The following SDF4 variants were observed in gnomAD, a reference collection of about 807,000 sequenced individuals.
The protein encoded by SDF4 is 45 kDa calcium-binding protein.
SDF4 carries 22 observed loss-of-function variants against 34.2 expected under a neutral mutation model. The ratio of observed to expected loss-of-function variants is 0.64; its 90% CI spans 0.46 to 0.92. SDF4 has a LOEUF of 0.92. Ranked by LOEUF, SDF4 falls within the 40% of genes least tolerant of loss-of-function variation. SDF4 has a pLI of 0.00. For missense variants in SDF4, 447 were observed against 499.9 expected (o/e 0.89, Z 1.01); for synonymous variants, 236 against 203.1 (o/e 1.16, Z -1.38).
rs141069078 is a variant in SDF4 at position 1,222,521 on chromosome 1, C to T, written c.556+723G>A. ...TGACCGCTCTCTGGTGACCACCTGA[C>T]GGCCACACAGATGTCTCCAGCAGAC... On this transcript the variant is annotated intron_variant, in intron 4 of 6. Transcript: ENST00000360001. Among the ~76,000 whole-genome samples, 233 of 152,366 alleles carry T rather than the reference C, an allele frequency of 1.5e-3. 1 individual carries two copies. Among genetic ancestry groups the T allele is most frequent in the African/African-American group, 5.5e-3 (228 of 41,590 alleles).
At chr1:1,226,305 C>T (rs1005826400) in intron 2 of SDF4, among the ~76,000 whole-genome samples, 6 of 152,082 alleles carry the variant, frequency 3.9e-5, no homozygotes, top group Admixed American at 1.3e-4. Flanking sequence ...GGGCACCTCC[C>T]CTCTGGATGC....
At chr1:1,227,612 G>C (rs1376251491) in intron 2 of SDF4, among the ~76,000 whole-genome samples, 1 of 152,204 alleles carries the variant, frequency 6.6e-6, no homozygotes, top group Non-Finnish European at 1.5e-5. Flanking sequence ...GGGACTCACG[G>C]GCACGCCCTG....
chr1:1,225,515 T>C (rs979680169), intron 2 of SDF4, among the ~76,000 whole-genome samples: 2 of 151,962 alleles, frequency 1.3e-5, no homozygotes, highest in African/African-American at 4.8e-5. Flanking sequence ...CGCCCCTCCC[T>C]CAGCAGCCGC....
At chr1:1,224,517 T>C (rs1638235049) in intron 2 of SDF4, among the ~76,000 whole-genome samples, 2 of 152,196 alleles carry the variant, frequency 1.3e-5, no homozygotes, top group Non-Finnish European at 2.9e-5. Flanking sequence ...TGACCTCAAA[T>C]GATCCACCCA....
chr1:1,225,960 G>T, intron 2 of SDF4, among the ~76,000 whole-genome samples: 1 of 152,200 alleles, frequency 6.6e-6, no homozygotes, highest in East Asian at 1.9e-4. Flanking sequence ...ACGCACACAC[G>T]CAAGTGCACA....
At chr1:1,223,788 C>A in intron 3 of SDF4, 44 bp downstream of exon 3, 1 of 582,998 alleles carries the variant, frequency 1.7e-6, no homozygotes. Context: ...ATGGCCCTGC[C>A]CGCCCCGCCC....
intron 4 of SDF4, among the ~76,000 whole-genome samples, chr1:1,222,666 T>C (rs977778041): frequency 4.6e-5 from 7 of 152,260 alleles, no homozygotes; most frequent in Non-Finnish European, 8.8e-5. Flanking sequence ...TCAGATTCTC[T>C]GCAGGACCTA....
At position 1,228,827 on chromosome 1, in the gene SDF4, GAGGGGC is replaced by G. The variant is rs756980498; in HGVS notation, c.-61_-56del. 6.5e-5 allele frequency: 98 copies of G among 1,505,116 alleles called. No homozygotes were observed. The highest frequency in any genetic ancestry group is 8.2e-5 in the Non-Finnish European group (92 of 1,115,364). The allele number at this position is 1,505,116 out of a possible 1,614,324, so 93.2% of individuals were successfully genotyped here. On this transcript the variant is annotated 5_prime_UTR_variant, in exon 2 of 7. Coordinates refer to ENST00000360001, the MANE Select transcript of SDF4 (RefSeq NM_016176.6). ...CTGCAGGGTGTGGGCCAGGTGCTGG[GAGGGGC>G]AGGGGCAGGGGCAGAGGAGGAAGTG...
intron 1 of SDF4, among the ~76,000 whole-genome samples, chr1:1,230,724 G>T (rs951495795): frequency 6.6e-6 from 1 of 152,244 alleles, no homozygotes; most frequent in Non-Finnish European, 1.5e-5. Flanking sequence ...CTCCCAAAGT[G>T]CTGGGACTAT....
chr1:1,218,506 C>T lies in SDF4; in HGVS notation c.843G>A (p.Glu281=). 1 of 1,613,844 alleles carries T rather than the reference C, an allele frequency of 6.2e-7. No individual in the cohort carries two copies. Among genetic ancestry groups the T allele is most frequent in the Non-Finnish European group, 8.5e-7 (1 of 1,179,920 alleles). Residue 281 remains glutamate, a synonymous_variant, in exon 6 of 7, where the codon GAG becomes GAA. Coordinates refer to ENST00000360001, the MANE Select transcript of SDF4 (RefSeq NM_016176.6). This position sits in a 1 kb window ranked among gnomAD's most constrained non-coding sequence, Gnocchi z 7.9. ...WVKDRKKEFE[E]LIDSNHDGIV... The stretch of plus-strand genomic sequence containing the variant: ...TGCCGTCGTGGTTGGAGTCAATGAG[C>T]TCCTCAAACTCCTTTTTTCTGTCTT...
rs553067261 is a variant in SDF4, at chr1:1,220,586, A to T, written c.557-1659T>A. 9 of 1,285,944 alleles carry T rather than the reference A, an allele frequency of 7.0e-6. No individual in the cohort carries two copies. In the South Asian group the frequency reaches 9.9e-5, roughly 14 times the overall value. The allele number at this position is 1,285,944 out of a possible 1,614,324, so 79.7% of individuals were successfully genotyped here. On this transcript the variant is annotated intron_variant, in intron 4 of 6. Coordinates refer to ENST00000360001, the MANE Select transcript of SDF4 (RefSeq NM_016176.6). ...TCGGGGAGGCCAAGACGGATCGGACACGGGTGGGCAGGGAACAGCACCTCA... is the reference window on the plus strand; with the variant it reads ...TCGGGGAGGCCAAGACGGATCGGACTCGGGTGGGCAGGGAACAGCACCTCA...
chr1:1,230,627 A>G (rs1638464464), intron 1 of SDF4, among the ~76,000 whole-genome samples: 1 of 151,794 alleles, frequency 6.6e-6, no homozygotes, highest in Non-Finnish European at 1.5e-5. Flanking sequence ...CTCTCCACTA[A>G]TCTGTATTTT....
intron 2 of SDF4, among the ~76,000 whole-genome samples, chr1:1,224,333 G>A (rs1386148736): frequency 6.6e-6 from 1 of 152,240 alleles, no homozygotes; most frequent in Non-Finnish European, 1.5e-5. Flanking sequence ...AGGCTGGAGT[G>A]TGGTGGCGCA....
At position 1,218,321 on chromosome 1, in the gene SDF4, C is replaced by A; in HGVS notation, c.891+137G>T. On this transcript the variant is annotated intron_variant, in intron 6 of 6. Transcript: ENST00000360001. This position sits in a 1 kb window ranked among gnomAD's most constrained non-coding sequence, Gnocchi z 7.9. ...AGCCTGGTGGACACCGCTGAGCAAA[C>A]GCCCCAGTGACCAGCCCAGATGGAG... 1.1e-6 allele frequency: 1 copy of A among 917,978 alleles called. No individual in the cohort carries two copies. Among genetic ancestry groups the A allele is most frequent in the Non-Finnish European group, 1.6e-6 (1 of 621,284 alleles). 56.9% of individuals were successfully genotyped at this position (917,978 alleles called of 1,614,324 possible).
chr1:1,222,031 A>G (rs1212455997), intron 4 of SDF4, among the ~76,000 whole-genome samples: 1 of 152,246 alleles, frequency 6.6e-6, no homozygotes, highest in Non-Finnish European at 1.5e-5. Flanking sequence ...GGCACAAAAA[A>G]TAAAGGTGTA....
At chr1:1,220,444 C>A in intron 4 of SDF4, 1 of 1,186,514 alleles carries the variant, frequency 8.4e-7, no homozygotes, top group Non-Finnish European at 1.1e-6. Context: ...GGTGGGAGGT[C>A]GCAGGAGTGA....
rs61766181 is a variant in SDF4, at chr1:1,218,993, C to T, written c.557-66G>A. On this transcript the variant is annotated intron_variant, in intron 4 of 6. Transcript: ENST00000360001. The surrounding 1 kb of genome is among the most constrained non-coding windows in gnomAD (Gnocchi z 7.9). ...GCCAGCACGCAAATCCAGAAAGTTC[C>T]GAGAGGTGCTGCCTGAACTCGAGGG... is the stretch of plus-strand genomic sequence containing the variant. 8.7e-6 allele frequency: 14 copies of T among 1,612,084 alleles called. No individual in the cohort carries two copies. The highest frequency in any genetic ancestry group is 2.7e-5 in the African/African-American group (2 of 74,884).
intron 4 of SDF4, chr1:1,219,476 C>T (rs965473303): frequency 1.7e-5 from 17 of 999,216 alleles, no homozygotes; most frequent in Admixed American, 5.3e-5. Context: ...CGCACGGCGC[C>T]GCGGGGCGAA....
chr1:1,223,860 G>C lies in SDF4; in HGVS notation c.414C>G (p.His138Gln), dbSNP rs758514243. 1.3e-6 allele frequency: 2 copies of C among 1,590,212 alleles called. No individual in the cohort carries two copies. Among genetic ancestry groups the C allele is most frequent in the South Asian group, 2.2e-5 (2 of 90,738 alleles). ...CCCCGTCAGGGTCCACGGCGCGGAA[G>C]TGTGTCTTGCTCTCCTCCATGGCCT... ...FQEAMEESKT[H>Q]FRAVDPDGDG... The change falls in exon 3 of 7, where the codon CAC (histidine) becomes CAG (glutamine). Residue 138 changes from histidine (H) to glutamine (Q), a missense_variant. Coordinates refer to ENST00000360001, the MANE Select transcript of SDF4 (RefSeq NM_016176.6).
Sources: allele counts gnomAD v4.1 joint callset (sites outside exome capture counted in the v4.1 genomes callset), GRCh38; gene constraint gnomAD v4.1.1; non-coding constraint Gnocchi (gnomAD v3.1); transcripts MANE v1.5; gene names NCBI Gene and HGNC (gene_info 2026-07-23, HGNC 2026-07-21).